DLGAP2: variants seen among roughly 807,000 people sequenced by gnomAD.
DLGAP2 encodes disks large-associated protein 2.
DLGAP2 carries 26 observed loss-of-function variants against 100.3 expected under a neutral mutation model. The ratio of observed to expected loss-of-function variants is 0.26; its 90% CI spans 0.19 to 0.36. The LOEUF is 0.36. DLGAP2 is among the 10% of genes least tolerant of loss of function. The pLI, the probability that DLGAP2 is intolerant of heterozygous loss-of-function variation, is 1.00. For synonymous variants in DLGAP2, 886 were observed against 630.1 expected, an observed-to-expected ratio of 1.41 and a Z score of -6.08; for missense variants, 1,858 against 1,453.2, an observed-to-expected ratio of 1.28 and a Z score of -4.53.
intron 2 of DLGAP2, among the ~76,000 whole-genome samples, chr8:1,038,121 A>G (rs1322807168): frequency 1.3e-5 from 2 of 152,166 alleles, no homozygotes; most frequent in Non-Finnish European, 2.9e-5. Context: ...GTTCATATAC[A>G]AGTGTTCGTC....
In DLGAP2 at chr8:1,526,611, G is replaced by C. The variant is rs148766098; in HGVS notation, c.173-22015G>C. 2.2e-3 allele frequency among the ~76,000 whole-genome samples: 330 copies of C among 152,324 alleles called. 1 individual carries two copies. The highest frequency in any genetic ancestry group is 4.1e-3 in the South Asian group (20 of 4,832). On this transcript the variant is annotated intron_variant, in intron 4 of 14. Coordinates refer to ENST00000637795, the MANE Select transcript of DLGAP2 (RefSeq NM_001346810.2). ...GTGGTGAGTCCTGGCTGACCGCTGA[G>C]TTCTGCCACTGAAGACAAAGGCTTT...
intron 6 of DLGAP2, among the ~76,000 whole-genome samples, chr8:1,583,240 C>T (rs1584953964): frequency 6.6e-6 from 1 of 152,204 alleles, no homozygotes; most frequent in Non-Finnish European, 1.5e-5. Flanking sequence ...CCTCTTCTCC[C>T]TCCCATCTGC....
intron 3 of DLGAP2, among the ~76,000 whole-genome samples, chr8:1,306,858 G>A (rs1167366667): frequency 6.6e-6 from 1 of 152,168 alleles, no homozygotes; most frequent in Non-Finnish European, 1.5e-5. Context: ...AAATAATGAA[G>A]CTGAACTCAT....
chr8:1,323,276 C>A (rs1213144473), intron 3 of DLGAP2, among the ~76,000 whole-genome samples: 1 of 152,122 alleles, frequency 6.6e-6, no homozygotes, highest in African/African-American at 2.4e-5. Flanking sequence ...GCAATCCACC[C>A]GCCTCAGCCT....
intron 2 of DLGAP2, among the ~76,000 whole-genome samples, chr8:1,111,577 C>T (rs1402535608): frequency 1.3e-5 from 2 of 152,064 alleles, no homozygotes; most frequent in African/African-American, 4.8e-5. Context: ...CTCCGATAGA[C>T]CCCAGAGTGT....
At chr8:764,442 C>G (rs1253635798) in intron 1 of DLGAP2, among the ~76,000 whole-genome samples, 5 of 152,190 alleles carry the variant, frequency 3.3e-5, no homozygotes, top group Admixed American at 2.6e-4. Context: ...TGTCACTTCG[C>G]TGTTTAAAAA....
intron 2 of DLGAP2, among the ~76,000 whole-genome samples, chr8:1,127,204 C>A (rs954237017): frequency 6.6e-6 from 1 of 151,264 alleles, no homozygotes; most frequent in Non-Finnish European, 1.5e-5. Context: ...GTTCCTGGAG[C>A]CGCCTCTTGC....
intron 2 of DLGAP2, among the ~76,000 whole-genome samples, chr8:1,199,446 G>A (rs565675923): frequency 6.6e-6 from 1 of 152,310 alleles, no homozygotes; most frequent in South Asian, 2.1e-4. Flanking sequence ...ATGTTAAAAT[G>A]TTGGATAAAA....
At position 1,668,609 on chromosome 8, in the gene DLGAP2, C is replaced by G. The variant is rs1314488462; in HGVS notation, c.2091C>G (p.Ser697Arg). The G allele has an allele frequency of 1.2e-6, 2 of 1,600,288 alleles. No individual in the cohort carries two copies. Among genetic ancestry groups the G allele is most frequent in the Admixed American group, 1.7e-5 (1 of 58,388 alleles). ...PESQSSSVRT[S>R]DKAILVSKAE... ...GCCAGAGCAGCTCTGTGCGGACCAG[C>G]GACAAGGCCATCCTGGTGTCCAAGG... The change falls in exon 9 of 15, where the codon AGC becomes AGG. Residue 697 changes from serine (S) to arginine (R), a missense_variant. Coordinates refer to ENST00000637795, the MANE Select transcript of DLGAP2 (RefSeq NM_001346810.2).
At chr8:1,324,020 C>A (rs1401392318) in intron 3 of DLGAP2, among the ~76,000 whole-genome samples, 2 of 152,170 alleles carry the variant, frequency 1.3e-5, no homozygotes, top group Non-Finnish European at 2.9e-5. Flanking sequence ...ATTCATCTGG[C>A]AACTGAAGTG....
At chr8:1,525,569 C>T (rs759809830) in intron 4 of DLGAP2, among the ~76,000 whole-genome samples, 3 of 152,234 alleles carry the variant, frequency 2.0e-5, no homozygotes, top group Non-Finnish European at 2.9e-5. Flanking sequence ...AAGCTCCACA[C>T]TTCTAAAGAT....
intron 6 of DLGAP2, among the ~76,000 whole-genome samples, chr8:1,606,058 G>T (rs558325940): frequency 6.6e-6 from 1 of 152,316 alleles, no homozygotes; most frequent in Non-Finnish European, 1.5e-5. Flanking sequence ...TGTGGAAAAT[G>T]AATTATCGTT....
chr8:1,195,757 C>G, intron 2 of DLGAP2, among the ~76,000 whole-genome samples: 1 of 152,206 alleles, frequency 6.6e-6, no homozygotes, highest in South Asian at 2.1e-4. Flanking sequence ...AATCGCATCA[C>G]CATCGTTGCT....
Position 737,656 on chromosome 8 carries a change from G to T in DLGAP2, c.-152G>T, listed in dbSNP as rs1038434455. 2.8e-6 allele frequency: 1 copy of T among 355,352 alleles called. No individual in the cohort carries two copies. Among genetic ancestry groups the T allele is most frequent in the African/African-American group, 2.1e-5 (1 of 46,772 alleles). 22.0% of individuals were successfully genotyped at this position (355,352 alleles called of 1,614,324 possible). A position where few individuals can be genotyped will look rare whatever the true frequency, so the allele number is the denominator to read the frequency against. On this transcript the variant is annotated 5_prime_UTR_variant, in exon 1 of 15. Coordinates refer to ENST00000637795, the MANE Select transcript of DLGAP2 (RefSeq NM_001346810.2). ...CCGACCGTGCGCCGGGCTCGAGCGC[G>T]GTCTGAGCGCGCGGCGCCTGCGGCG...
chr8:1,477,799 GAA>G (rs11394185), intron 3 of DLGAP2, among the ~76,000 whole-genome samples: 1 of 148,408 alleles, frequency 6.7e-6, no homozygotes, highest in African/African-American at 2.5e-5. Context: ...AGGTGAGAAA[GAA>G]AAAAAAAAAG....
intron 5 of DLGAP2, among the ~76,000 whole-genome samples, chr8:1,552,913 C>T (rs1347069958): frequency 2.0e-5 from 3 of 152,178 alleles, no homozygotes; most frequent in Admixed American, 2.0e-4. Flanking sequence ...TCACAAAGCT[C>T]TTGTTTTCAT....
chr8:1,492,719 A>G (rs1255548134), intron 3 of DLGAP2, among the ~76,000 whole-genome samples: 1 of 152,160 alleles, frequency 6.6e-6, no homozygotes. Flanking sequence ...CTGACTTCCA[A>G]CCAGGCACCT....
At chr8:1,200,600 A>C (rs1487263482) in intron 2 of DLGAP2, among the ~76,000 whole-genome samples, 4 of 152,196 alleles carry the variant, frequency 2.6e-5, no homozygotes, top group Admixed American at 2.6e-4. Context: ...TGCCACGTCC[A>C]TTAGCGTCAC....
At chr8:1,244,356 C>T (rs1798861809) in intron 2 of DLGAP2, among the ~76,000 whole-genome samples, 1 of 152,166 alleles carries the variant, frequency 6.6e-6, no homozygotes, top group Non-Finnish European at 1.5e-5. Flanking sequence ...ATTGGCTGAG[C>T]ACATGTGTTA....
Sources: allele counts gnomAD v4.1 joint callset (sites outside exome capture counted in the v4.1 genomes callset), GRCh38; gene constraint gnomAD v4.1.1; transcripts MANE v1.5; gene names NCBI Gene and HGNC (gene_info 2026-07-23, HGNC 2026-07-21).